PLA2G4E: variants seen among roughly 807,000 people sequenced by gnomAD.
The protein encoded by PLA2G4E is phospholipase A2 group IVE.
PLA2G4E carries 84 observed loss-of-function variants against 109.1 expected under a neutral mutation model. The ratio of observed to expected loss-of-function variants is 0.77; its 90% CI spans 0.65 to 0.92. The LOEUF (loss-of-function observed/expected upper bound fraction) is 0.92. Ranked by LOEUF, PLA2G4E falls within the 40% of genes least tolerant of loss-of-function variation. PLA2G4E has a pLI of 0.00. For missense variants in PLA2G4E, 1,057 were observed against 1,076.6 expected, an observed-to-expected ratio of 0.98 and a Z score of 0.25; for synonymous variants, 469 against 436.1, an observed-to-expected ratio of 1.08 and a Z score of -0.94.
chr15:42,004,913 G>A, intron 5 of PLA2G4E, 25 bp downstream of exon 5: 1 of 1,599,102 alleles, frequency 6.3e-7, no homozygotes, highest in Non-Finnish European at 8.5e-7. Context: ...GACCTTGGTG[G>A]GCCCCGGGGC....
chr15:42,017,172 C>T (rs1285323894), intron 1 of PLA2G4E, among the ~76,000 whole-genome samples: 1 of 152,214 alleles, frequency 6.6e-6, no homozygotes, highest in Admixed American at 6.5e-5. Flanking sequence ...AACCCAGGTC[C>T]GGTGGTCCTC....
At chr15:42,000,047 GGCACC>G (rs1172177548) in intron 8 of PLA2G4E, 47 bp from the exon 9 acceptor site, 4 of 1,577,494 alleles carry the variant, frequency 2.5e-6, no homozygotes, top group Non-Finnish European at 3.4e-6. Flanking sequence ...GAGCTCCTCT[GGCACC>G]CCCCACCTGT....
chr15:42,008,179 C>G (rs1175194735), intron 2 of PLA2G4E, among the ~76,000 whole-genome samples: 1 of 152,232 alleles, frequency 6.6e-6, no homozygotes, highest in Non-Finnish European at 1.5e-5. Flanking sequence ...ACACAGTTTT[C>G]CCTCTGCCAA....
intron 1 of PLA2G4E, among the ~76,000 whole-genome samples, chr15:42,023,931 C>G (rs1006881357): frequency 1.1e-4 from 16 of 152,286 alleles, no homozygotes; most frequent in African/African-American, 3.9e-4. Flanking sequence ...GCCTCTGTCC[C>G]AGGTGGGAGC....
chr15:42,036,415 G>A (rs1889216088), intron 1 of PLA2G4E, among the ~76,000 whole-genome samples: 1 of 152,208 alleles, frequency 6.6e-6, no homozygotes, highest in Non-Finnish European at 1.5e-5. Context: ...TCTGGGGCCC[G>A]GGTCTGAAAG....
chr15:42,028,615 C>T (rs1409081516), intron 1 of PLA2G4E, among the ~76,000 whole-genome samples: 1 of 152,062 alleles, frequency 6.6e-6, no homozygotes, highest in Non-Finnish European at 1.5e-5. Flanking sequence ...CCATGTGGGC[C>T]AGGCTGGTGT....
chr15:42,006,014 G>C, exon 4 of PLA2G4E: 3 of 1,613,962 alleles, frequency 1.9e-6, no homozygotes, highest in South Asian at 1.1e-5. Flanking sequence ...GAAACTTCAC[G>C]TGGGTTTTCT....
chr15:42,006,983 C>A (rs995100192), intron 3 of PLA2G4E, among the ~76,000 whole-genome samples: 5 of 152,206 alleles, frequency 3.3e-5, no homozygotes, highest in Non-Finnish European at 4.4e-5. Context: ...ACCAAACTCA[C>A]ATGTATGATA....
At chr15:41,987,639 T>A (rs2068164771) in intron 16 of PLA2G4E, among the ~76,000 whole-genome samples, 1 of 151,566 alleles carries the variant, frequency 6.6e-6, no homozygotes, top group East Asian at 2.0e-4. Context: ...TTTCAAAGAG[T>A]GACCTGTGAC....
chr15:42,048,124 G>T (rs1485009269), intron 1 of PLA2G4E, among the ~76,000 whole-genome samples: 2 of 152,162 alleles, frequency 1.3e-5, no homozygotes, highest in Non-Finnish European at 2.9e-5. Flanking sequence ...TCTATATTTA[G>T]ATACATTTAG....
At chr15:41,989,615 C>A in intron 14 of PLA2G4E, 63 bp from the exon 15 acceptor site, 4 of 1,546,242 alleles carry the variant, frequency 2.6e-6, no homozygotes, top group East Asian at 4.8e-5. Context: ...CACAGCCGGG[C>A]CCCCCTCCTG....
chr15:42,001,081 T>C, intron 7 of PLA2G4E, 76 bp downstream of exon 7: 6 of 1,441,214 alleles, frequency 4.2e-6, no homozygotes, highest in Non-Finnish European at 5.8e-6. Flanking sequence ...CTGGACTAGG[T>C]GGAGTCTGAT....
At chr15:41,995,133 C>T (rs76597594) in intron 12 of PLA2G4E, among the ~76,000 whole-genome samples, 2 of 152,230 alleles carry the variant, frequency 1.3e-5, no homozygotes, top group African/African-American at 4.8e-5. Flanking sequence ...CTTACACCCA[C>T]CGCATGAGGT....
At chr15:41,993,664 G>A (rs1412993915) in intron 12 of PLA2G4E, among the ~76,000 whole-genome samples, 1 of 152,120 alleles carries the variant, frequency 6.6e-6, no homozygotes, top group East Asian at 1.9e-4. Context: ...GTCAGGACAG[G>A]AAAGGGCCCT....
chr15:41,999,535 C>T (rs781364946), exon 10 of PLA2G4E: 1 of 1,609,368 alleles, frequency 6.2e-7, no homozygotes, highest in Non-Finnish European at 8.5e-7. Flanking sequence ...AGGGTGTAGA[C>T]TTCATGTGTA....
chr15:42,021,168 G>C (rs2068645304), intron 1 of PLA2G4E, among the ~76,000 whole-genome samples, 126 bp from the exon 1 acceptor site: 1 of 151,770 alleles, frequency 6.6e-6, no homozygotes, highest in Non-Finnish European at 1.5e-5. Context: ...GGGTGCATGG[G>C]CCTAGATCTC....
chr15:42,033,800 G>C (rs1185477665), intron 1 of PLA2G4E, among the ~76,000 whole-genome samples: 1 of 152,202 alleles, frequency 6.6e-6, no homozygotes, highest in Non-Finnish European at 1.5e-5. Flanking sequence ...CCCTGGCCCT[G>C]GGTGGAGTGG....
At chr15:42,023,996 C>T (rs1460054372) in intron 1 of PLA2G4E, among the ~76,000 whole-genome samples, 1 of 152,166 alleles carries the variant, frequency 6.6e-6, no homozygotes, top group Non-Finnish European at 1.5e-5. Flanking sequence ...TACCGACTGC[C>T]TGCTGGGTGC....
chr15:42,046,960 G>A (rs1993069), intron 1 of PLA2G4E, among the ~76,000 whole-genome samples: 11,459 of 152,236 alleles, frequency 0.075, 555 homozygotes, highest in Middle Eastern at 0.11. Context: ...CCTCCAACTG[G>A]CCCCAGAAAA....
Sources: allele counts gnomAD v4.1 joint callset (sites outside exome capture counted in the v4.1 genomes callset), GRCh38; gene constraint gnomAD v4.1.1; transcripts MANE v1.5; gene names NCBI Gene and HGNC (gene_info 2026-07-23, HGNC 2026-07-21).